The following PPP2R5E variants were observed in gnomAD, a reference collection of about 807,000 sequenced individuals.
PPP2R5E encodes the protein protein phosphatase 2 regulatory subunit B'epsilon, also known as serine/threonine-protein phosphatase 2A 56 kDa regulatory subunit epsilon isoform.
In PPP2R5E, 4 loss-of-function variants were observed where a neutral mutation model predicts 65.3. That is an observed-to-expected ratio of 0.06 (90% CI 0.03 to 0.14). PPP2R5E has a LOEUF of 0.14. Ranked by LOEUF, PPP2R5E falls within the 10% of genes least tolerant of loss-of-function variation. The pLI, the probability that PPP2R5E is intolerant of heterozygous loss-of-function variation, is 1.00. For missense variants in PPP2R5E, 274 were observed against 556.1 expected (o/e 0.49, Z 5.10); for synonymous variants, 183 against 187.4 (o/e 0.98, Z 0.19).
intron 2 of PPP2R5E, among the ~76,000 whole-genome samples, chr14:63,464,882 G>A (rs1468465990): frequency 1.3e-5 from 2 of 152,056 alleles, no homozygotes; most frequent in African/African-American, 2.4e-5. Context: ...AATTAGCCAG[G>A]TGTGGTGGCA....
intron 5 of PPP2R5E, among the ~76,000 whole-genome samples, chr14:63,406,080 C>T (rs1168675701): frequency 2.0e-5 from 3 of 152,066 alleles, no homozygotes; most frequent in Non-Finnish European, 4.4e-5. Context: ...ACAACAAAAC[C>T]CTTCAAACAA....
At chr14:63,420,388 A>G (rs1886937838) in intron 4 of PPP2R5E, among the ~76,000 whole-genome samples, 1 of 152,188 alleles carries the variant, frequency 6.6e-6, no homozygotes, top group East Asian at 1.9e-4. Context: ...GGATATACCT[A>G]TGAAAAGCAC....
chr14:63,401,296 A>C (rs1484929289), intron 5 of PPP2R5E, among the ~76,000 whole-genome samples: 3 of 152,158 alleles, frequency 2.0e-5, no homozygotes, highest in Non-Finnish European at 4.4e-5. Context: ...GCTTAGTCAT[A>C]TCTATAGTCC....
At chr14:63,471,692 A>C (rs1265231044) in intron 2 of PPP2R5E, among the ~76,000 whole-genome samples, 1 of 152,146 alleles carries the variant, frequency 6.6e-6, no homozygotes, top group Non-Finnish European at 1.5e-5. Context: ...GCCCACCATC[A>C]CACAGCTGGA....
chr14:63,385,921 AC>A (rs1404407706), intron 11 of PPP2R5E, among the ~76,000 whole-genome samples: 2 of 152,142 alleles, frequency 1.3e-5, no homozygotes. Context: ...TTCTCTGCCC[AC>A]CATGCTATCA....
At chr14:63,437,513 C>CACAA (rs1346622997) in intron 3 of PPP2R5E, among the ~76,000 whole-genome samples, 1 of 152,118 alleles carries the variant, frequency 6.6e-6, no homozygotes, top group East Asian at 1.9e-4. Flanking sequence ...TTAAGGGCAG[C>CACAA]ACAAATACAA....
At chr14:63,383,043 A>G (rs377490953) in intron 12 of PPP2R5E, among the ~76,000 whole-genome samples, 1 of 152,240 alleles carries the variant, frequency 6.6e-6, no homozygotes. Context: ...TGCTGACCCA[A>G]AATATATGCT....
At chr14:63,446,595 C>T (rs933262490) in intron 3 of PPP2R5E, among the ~76,000 whole-genome samples, 2 of 151,792 alleles carry the variant, frequency 1.3e-5, no homozygotes, top group African/African-American at 2.4e-5. Flanking sequence ...TTTGGGAGGC[C>T]GAGGCGGGTG....
chr14:63,432,569 G>A (rs1230494007), intron 3 of PPP2R5E, among the ~76,000 whole-genome samples: 1 of 152,126 alleles, frequency 6.6e-6, no homozygotes, highest in Non-Finnish European at 1.5e-5. Flanking sequence ...GAAAAACTGA[G>A]TGAAAGAAAG....
chr14:63,460,883 C>T (rs1013760590), intron 2 of PPP2R5E, among the ~76,000 whole-genome samples: 3 of 152,118 alleles, frequency 2.0e-5, no homozygotes, highest in Non-Finnish European at 2.9e-5. Context: ...TATACTCACA[C>T]GCACACATAC....
intron 3 of PPP2R5E, among the ~76,000 whole-genome samples, chr14:63,438,838 G>A (rs1468175161): frequency 1.3e-5 from 2 of 152,080 alleles, no homozygotes; most frequent in Non-Finnish European, 2.9e-5. Flanking sequence ...GAGAATGATT[G>A]CGGAGAGAAA....
At position 63,450,740 on chromosome 14, in the gene PPP2R5E, C is replaced by T. The variant is rs1457045058; in HGVS notation, c.354+2949G>A. On this transcript the variant is annotated intron_variant, in intron 3 of 13. Coordinates refer to ENST00000337537, the MANE Select transcript of PPP2R5E (RefSeq NM_006246.5). ...AGTTCCTTCTTAGGTGTGCTTACAC[C>T]TAATTAGAAAAATCAGATAAATATG... is the stretch of plus-strand genomic sequence containing the variant. Among the ~76,000 whole-genome samples, 6 of 147,454 alleles carry T rather than the reference C, an allele frequency of 4.1e-5. No individual in the cohort carries two copies. In the Admixed American group the frequency reaches 4.1e-4, roughly 10 times the overall value.
intron 3 of PPP2R5E, among the ~76,000 whole-genome samples, chr14:63,445,133 T>C (rs1319308919): frequency 2.6e-5 from 4 of 152,188 alleles, no homozygotes; most frequent in African/African-American, 9.6e-5. Flanking sequence ...ACTAGTTAAG[T>C]GGAAGATGAG....
chr14:63,512,894 T>C (rs1435094579), intron 2 of PPP2R5E, among the ~76,000 whole-genome samples: 1 of 152,042 alleles, frequency 6.6e-6, no homozygotes. Flanking sequence ...ATATTGAGTT[T>C]TAAACAACTA....
At chr14:63,397,898 T>G (rs1885508030) in intron 5 of PPP2R5E, among the ~76,000 whole-genome samples, 1 of 152,038 alleles carries the variant, frequency 6.6e-6, no homozygotes, top group African/African-American at 2.4e-5. Context: ...CAGCTAATTT[T>G]TTGTATTTTT....
At chr14:63,530,714 G>T (rs1893392414) in intron 2 of PPP2R5E, among the ~76,000 whole-genome samples, 1 of 134,614 alleles carries the variant, frequency 7.4e-6, no homozygotes, top group African/African-American at 2.9e-5. Context: ...CTGCCTCCCA[G>T]TTCAAGTGAT....
intron 2 of PPP2R5E, among the ~76,000 whole-genome samples, chr14:63,498,278 A>G (rs1891679794): frequency 6.6e-6 from 1 of 152,248 alleles, no homozygotes; most frequent in African/African-American, 2.4e-5. Flanking sequence ...TTCTACTTAC[A>G]AAAGAAACTA....
chr14:63,514,210 A>T (rs758453666), intron 2 of PPP2R5E, among the ~76,000 whole-genome samples: 4 of 152,266 alleles, frequency 2.6e-5, no homozygotes, highest in Non-Finnish European at 5.9e-5. Context: ...AAATCTTTAT[A>T]TCTGAATATC....
At chr14:63,406,375 C>T (rs903972474) in intron 5 of PPP2R5E, among the ~76,000 whole-genome samples, 27 of 141,730 alleles carry the variant, frequency 1.9e-4, no homozygotes, top group African/African-American at 7.2e-4. Context: ...CGAGCCACTG[C>T]AATCCAGCCT....
Sources: allele counts gnomAD v4.1 joint callset (sites outside exome capture counted in the v4.1 genomes callset), GRCh38; gene constraint gnomAD v4.1.1; transcripts MANE v1.5; gene names NCBI Gene and HGNC (gene_info 2026-07-23, HGNC 2026-07-21).